VWA3A: variants seen among roughly 807,000 people sequenced by gnomAD.
VWA3A encodes von Willebrand factor A domain-containing protein 3A.
A neutral mutation model predicts 160.4 loss-of-function variants in VWA3A; 134 were observed. The ratio of observed to expected loss-of-function variants is 0.84; its 90% confidence interval spans 0.73 to 0.96. The LOEUF is 0.96. VWA3A is among the 40% of genes least tolerant of loss of function. The probability of loss-of-function intolerance (pLI) is 0.00; values close to 1 mark genes in which losing one functional copy is unlikely to be tolerated. For synonymous variants in VWA3A, 476 were observed against 543.4 expected (o/e 0.88, Z 1.72); for missense variants, 1,310 against 1,447.9 (o/e 0.90, Z 1.55).
At chr16:22,122,733 T>C (rs2045766566) in intron 14 of VWA3A, among the ~76,000 whole-genome samples, 1 of 152,176 alleles carries the variant, frequency 6.6e-6, no homozygotes, top group South Asian at 2.1e-4. Flanking sequence ...TTTTAAGGTC[T>C]CCAACTGTGC....
intron 5 of VWA3A, among the ~76,000 whole-genome samples, chr16:22,103,260 CT>C (rs550828364): frequency 2.8e-4 from 43 of 152,130 alleles, no homozygotes; most frequent in Non-Finnish European, 5.9e-4. Flanking sequence ...TCTTGAACTC[CT>C]GGCCTCAAGT....
chr16:22,135,631 C>T (rs2046026638), intron 21 of VWA3A, among the ~76,000 whole-genome samples: 1 of 152,078 alleles, frequency 6.6e-6, no homozygotes, highest in Admixed American at 6.6e-5. Flanking sequence ...GGTCTGTGTG[C>T]TGCACATTCT....
rs182311832 is a variant in VWA3A, at chr16:22,117,336, T to C, written c.990+160T>C. Among the ~76,000 whole-genome samples, 12 of 152,312 alleles carry C rather than the reference T, an allele frequency of 7.9e-5. No individual in the cohort carries two copies. The East Asian group carries it at 2.3e-3, about 29-fold the overall frequency. On this transcript the variant is annotated intron_variant, in intron 11 of 33. Coordinates refer to ENST00000389398, the MANE Select transcript of VWA3A (RefSeq NM_173615.5). Reference sequence around the variant, plus strand: ...TGAGGTTACACAGGTAAAATCAGGTTAGAATGAATATGTGGGAAGACCAGG... The same window carrying C: ...TGAGGTTACACAGGTAAAATCAGGTCAGAATGAATATGTGGGAAGACCAGG...
rs563192767 is a variant in VWA3A, at chr16:22,106,147, G to T, written c.483+2618G>T. Among the ~76,000 whole-genome samples, 3 of 152,272 alleles carry T rather than the reference G, an allele frequency of 2.0e-5. No individual in the cohort carries two copies. The South Asian group carries it at 6.2e-4, about 32-fold the overall frequency. On this transcript the variant is annotated intron_variant, in intron 6 of 33. Coordinates refer to ENST00000389398, the MANE Select transcript of VWA3A (RefSeq NM_173615.5). ...CACCTGTAATCCCAGCACTTTGGGA[G>T]GCCGAGGCAGATGGATCACTTGAGG...
Position 22,133,053 on chromosome 16 carries a change from AC to A in VWA3A, c.2029del (p.Arg677GlyfsTer45). ...CACAGCCGCCGCCTACAAGGAGGTC[AC>A]CCGGGCTGCAGGTGGCCGCTTCCAC... ...TDTAAAYKEV[T>X]RAAGGRFHWF... On this transcript the variant is annotated frameshift_variant, in exon 20 of 34. Coordinates refer to ENST00000389398, the MANE Select transcript of VWA3A (RefSeq NM_173615.5). LOFTEE classifies it high-confidence loss of function. The A allele has an allele frequency of 6.2e-7, 1 of 1,613,758 alleles. No individual in the cohort carries two copies. The highest frequency in any genetic ancestry group is 8.5e-7 in the Non-Finnish European group (1 of 1,179,822).
intron 12 of VWA3A, among the ~76,000 whole-genome samples, chr16:22,120,753 A>G (rs974857806): frequency 6.6e-6 from 1 of 152,094 alleles, no homozygotes; most frequent in Non-Finnish European, 1.5e-5. Flanking sequence ...CCACTGTGAG[A>G]GCGAGTTGCT....
chr16:22,126,402 T>C, intron 17 of VWA3A, 105 bp downstream of exon 17: 1 of 1,459,844 alleles, frequency 6.9e-7, no homozygotes, highest in Non-Finnish European at 9.1e-7. Flanking sequence ...ATTGACGTCA[T>C]GGTCACCCGG....
rs934659268 is a variant in VWA3A, at chr16:22,102,854, G to A, written c.429-621G>A. On this transcript the variant is annotated intron_variant, in intron 5 of 33. Coordinates refer to ENST00000389398, the MANE Select transcript of VWA3A (RefSeq NM_173615.5). ...GCCCTCACCGGGCAGAGTGAGCACA[G>A]AGTGAGTGAGCTATGTGGAGAAAGG... Among the ~76,000 whole-genome samples, 3 of 152,212 alleles carry A rather than the reference G, an allele frequency of 2.0e-5. 1 individual carries two copies. The highest frequency in any genetic ancestry group is 4.2e-4 in the South Asian group (2 of 4,816).
At chr16:22,150,043 C>A in intron 29 of VWA3A, 112 bp downstream of exon 29, 1 of 1,377,228 alleles carries the variant, frequency 7.3e-7, no homozygotes, top group Non-Finnish European at 9.7e-7. Flanking sequence ...ATTTACAAAG[C>A]ACTACATCAT....
intron 29 of VWA3A, among the ~76,000 whole-genome samples, chr16:22,150,428 A>T (rs995146370): frequency 6.6e-6 from 1 of 152,182 alleles, no homozygotes; most frequent in African/African-American, 2.4e-5. Flanking sequence ...AAAAAAATAG[A>T]TGAAGACACA....
rs191539529 is a variant in VWA3A at position 22,146,529 on chromosome 16, G to A, written c.2839+185G>A. Among the ~76,000 whole-genome samples the A allele has an allele frequency of 8.5e-5, 13 of 152,208 alleles. No homozygotes were observed. The East Asian group carries it at 2.5e-3, about 29-fold the overall frequency. ...AGGCCGGGCGTGGTGGCTCATGCCTGTAATCTCTGCACTTTGGGAGGCCAA... is the reference window on the plus strand; with the variant it reads ...AGGCCGGGCGTGGTGGCTCATGCCTATAATCTCTGCACTTTGGGAGGCCAA... On this transcript the variant is annotated intron_variant, in intron 27 of 33. Coordinates refer to ENST00000389398, the MANE Select transcript of VWA3A (RefSeq NM_173615.5).
At position 22,154,323 on chromosome 16, in the gene VWA3A, C is replaced by CTTTTT. The variant is rs988862954; in HGVS notation, c.3406-1224_3406-1220dup. 6.5e-3 allele frequency among the ~76,000 whole-genome samples: 478 copies of CTTTTT among 73,526 alleles called. 1 individual carries two copies. The highest frequency in any genetic ancestry group is 0.013 in the African/African-American group (184 of 14,194). 48.2% of individuals were successfully genotyped at this position (73,526 alleles called of 152,430 possible). ...GGATGGCTTCCTCTTTTTTCTTTTTCTTTTTTTTTTTTTTTTTTTTTTTTG... is the reference window on the plus strand; with the variant it reads ...GGATGGCTTCCTCTTTTTTCTTTTTCTTTTTTTTTTTTTTTTTTTTTTTTTTTTTG... On this transcript the variant is annotated intron_variant, in intron 31 of 33. Transcript: ENST00000389398.
At chr16:22,123,353 TA>T (rs889354040) in intron 15 of VWA3A, 188 bp downstream of exon 15, 141,014 of 830,740 alleles carry the variant, frequency 0.17, no homozygotes, top group South Asian at 0.25. Flanking sequence ...TCAATGCCTT[TA>T]AAAAAAAAAA....
intron 17 of VWA3A, among the ~76,000 whole-genome samples, chr16:22,129,144 C>CT (rs1567212305): frequency 6.6e-6 from 1 of 151,898 alleles, no homozygotes; most frequent in African/African-American, 2.4e-5. Context: ...AATCCCAGCA[C>CT]TTTGAGAGGC....
chr16:22,140,222 T>C lies in VWA3A; in HGVS notation c.2361T>C (p.Ser787=), dbSNP rs1474510337. The C allele has an allele frequency of 6.2e-7, 1 of 1,613,642 alleles. No individual in the cohort carries two copies. The highest frequency in any genetic ancestry group is 1.3e-5 in the African/African-American group (1 of 75,008). The part of the protein sequence containing the change: ...PLKSLKWRPL[S]SRVGISPAAA... The stretch of plus-strand genomic sequence containing the variant: ...AATCTCTGAAATGGCGTCCACTCAG[T>C]AGCAGAGTTGGCATCTCACCAGGTA... The change falls in exon 23 of 34, where the codon AGT becomes AGC. Residue 787 remains serine (S), a synonymous_variant. Transcript: ENST00000389398.
intron 3 of VWA3A, among the ~76,000 whole-genome samples, chr16:22,098,413 T>G (rs925676966): frequency 5.3e-5 from 8 of 152,204 alleles, no homozygotes; most frequent in African/African-American, 1.4e-4. Flanking sequence ...GATAGAGTTT[T>G]GAGATTCTGA....
At chr16:22,125,883 T>C (rs1020704543) in intron 16 of VWA3A, among the ~76,000 whole-genome samples, 3 of 152,226 alleles carry the variant, frequency 2.0e-5, no homozygotes, top group African/African-American at 7.2e-5. Context: ...TGCTAATTCT[T>C]TAAAATAAAT....
chr16:22,103,479 A>T lies in VWA3A; in HGVS notation c.433A>T (p.Ile145Phe). ...RHFESKLSDT[I>F]EVYQERIQWL... is the part of the protein sequence containing the mutation. ...GTCTTTCTGATGTCTTGACAGCACT[A>T]TTGAAGTCTATCAAGAGAGAATTCA... Residue 145 changes from isoleucine to phenylalanine, a missense_variant, in exon 6 of 34, where the codon ATT becomes TTT. Physicochemically the swap from Ile to Phe is conservative, Grantham distance 21 (BLOSUM62 0). Transcript: ENST00000389398. 4 of 1,551,774 alleles carry T rather than the reference A, an allele frequency of 2.6e-6. No homozygotes were observed. The highest frequency in any genetic ancestry group is 3.5e-6 in the Non-Finnish European group (4 of 1,146,974).
intron 12 of VWA3A, among the ~76,000 whole-genome samples, chr16:22,120,767 T>C (rs1439206591): frequency 6.6e-6 from 1 of 152,048 alleles, no homozygotes; most frequent in Admixed American, 6.5e-5. Context: ...AGTTGCTGGG[T>C]ACTCCTTCCT....
Sources: gnomAD v4.1 joint callset for allele counts (sites outside exome capture counted in the v4.1 genomes callset) on GRCh38, gnomAD v4.1.1 for gene constraint, MANE v1.5 for transcripts, NCBI Gene and HGNC (gene_info 2026-07-23, HGNC 2026-07-21) for gene names.